Variants in MAP3K9 observed in about 807,000 individuals in gnomAD.
MAP3K9 encodes the protein mitogen-activated protein kinase kinase kinase 9.
In MAP3K9, 46 loss-of-function variants were observed where a neutral mutation model predicts 95.8. That is an observed-to-expected ratio of 0.48 (90% CI 0.38 to 0.61). The LOEUF (loss-of-function observed/expected upper bound fraction) is 0.61. Ranked by LOEUF, MAP3K9 falls within the 20% of genes least tolerant of loss-of-function variation. The pLI is 0.00. For synonymous variants in MAP3K9, 533 were observed against 593.8 expected (o/e 0.90, Z 1.49); for missense variants, 1,296 against 1,474.3 (o/e 0.88, Z 1.98).
In MAP3K9 at chr14:70,729,433, CAT is replaced by C. The variant is rs1184735171; in HGVS notation, c.*945_*946del. 1 of 152,200 alleles carries C rather than the reference CAT, an allele frequency of 6.6e-6. No individual in the cohort carries two copies. The highest frequency in any genetic ancestry group is 1.5e-5 in the Non-Finnish European group (1 of 68,066). 9.4% of individuals were successfully genotyped at this position (152,200 alleles called of 1,614,324 possible). A position where few individuals can be genotyped will look rare whatever the true frequency, so the allele number is the denominator to read the frequency against. On this transcript the variant is annotated 3_prime_UTR_variant, in exon 12 of 12. Transcript: ENST00000554752. Reference sequence around the variant, plus strand: ...TGAAGACCAAAGGAAGGGAGTAACACATAAAGTTCAGACAGCAAAAGGAACAG... The same window carrying C: ...TGAAGACCAAAGGAAGGGAGTAACACAAAGTTCAGACAGCAAAAGGAACAG...
chr14:70,784,634 T>C (rs910196002), intron 2 of MAP3K9, among the ~76,000 whole-genome samples: 1 of 151,984 alleles, frequency 6.6e-6, no homozygotes, highest in African/African-American at 2.4e-5. Flanking sequence ...TCCCAGCTAC[T>C]CAGGAGGCTG....
At chr14:70,763,204 T>C (rs1465353402) in intron 2 of MAP3K9, among the ~76,000 whole-genome samples, 2 of 152,240 alleles carry the variant, frequency 1.3e-5, no homozygotes, top group Admixed American at 6.5e-5. Context: ...GTGAAGTCCA[T>C]AAGAGTGCAT....
chr14:70,736,960 T>C (rs1226071677), intron 8 of MAP3K9, among the ~76,000 whole-genome samples: 3 of 152,188 alleles, frequency 2.0e-5, no homozygotes, highest in African/African-American at 4.8e-5. Context: ...AAATCATAGA[T>C]TTTGGACATG....
At chr14:70,790,882 T>C (rs892500266) in intron 2 of MAP3K9, among the ~76,000 whole-genome samples, 2 of 152,004 alleles carry the variant, frequency 1.3e-5, no homozygotes, top group African/African-American at 4.8e-5. Flanking sequence ...AGCTACATCA[T>C]CGAAACAAGG....
chr14:70,778,276 ATTT>A (rs71105734), intron 2 of MAP3K9, among the ~76,000 whole-genome samples: 9 of 122,826 alleles, frequency 7.3e-5, no homozygotes, highest in South Asian at 2.7e-4. Context: ...ACGCCCAGCT[ATTT>A]TTTTTTTTTT....
chr14:70,738,440 G>C, intron 7 of MAP3K9, 42 bp from the exon 8 acceptor site: 7 of 1,596,022 alleles, frequency 4.4e-6, no homozygotes, highest in Non-Finnish European at 6.0e-6. Flanking sequence ...AAAATGGACA[G>C]ACAGGGCTCC....
At chr14:70,730,981 C>A in intron 11 of MAP3K9, 117 bp from the exon 12 acceptor site, 2 of 1,188,302 alleles carry the variant, frequency 1.7e-6, no homozygotes, top group Non-Finnish European at 2.3e-6. Context: ...ACATGAATCA[C>A]CAAATGTTTG....
At chr14:70,735,173 G>A (rs2053967209) in intron 9 of MAP3K9, among the ~76,000 whole-genome samples, 1 of 152,122 alleles carries the variant, frequency 6.6e-6, no homozygotes, top group South Asian at 2.1e-4. Flanking sequence ...TCAAATCCCT[G>A]TCATCAGCCC....
At chr14:70,747,417 A>G (rs911040529) in intron 5 of MAP3K9, among the ~76,000 whole-genome samples, 3 of 152,212 alleles carry the variant, frequency 2.0e-5, no homozygotes, top group Admixed American at 1.3e-4. Context: ...CATGATTATA[A>G]GTTTCCTGAG....
At chr14:70,806,538 C>T (rs2054991918) in intron 1 of MAP3K9, among the ~76,000 whole-genome samples, 1 of 152,230 alleles carries the variant, frequency 6.6e-6, no homozygotes, top group African/African-American at 2.4e-5. Flanking sequence ...GAACAAGTTA[C>T]TTCCTACTTT....
At chr14:70,788,427 C>A (rs1222199304) in intron 2 of MAP3K9, among the ~76,000 whole-genome samples, 1 of 152,188 alleles carries the variant, frequency 6.6e-6, no homozygotes, top group African/African-American at 2.4e-5. Flanking sequence ...TCACTTCTAC[C>A]CCGTAAGATG....
chr14:70,766,945 T>C (rs1373343786), intron 2 of MAP3K9, among the ~76,000 whole-genome samples: 1 of 152,222 alleles, frequency 6.6e-6, no homozygotes, highest in African/African-American at 2.4e-5. Flanking sequence ...TAATCACTCC[T>C]GACTGCTGCA....
At chr14:70,782,960 C>G (rs2054700289) in intron 2 of MAP3K9, among the ~76,000 whole-genome samples, 1 of 152,224 alleles carries the variant, frequency 6.6e-6, no homozygotes, top group South Asian at 2.1e-4. Context: ...GTGGGCATAA[C>G]AGGCATACCC....
rs749003418 is a variant in MAP3K9 at position 70,730,510 on chromosome 14, G to A, written c.3185C>T (p.Pro1062Leu). ...CAGGTCCAGGAGCGTCCGCTCAGTCGGGGGCAGCGGCCCTGCCTGGAACGG... is the reference window on the plus strand; with the variant it reads ...CAGGTCCAGGAGCGTCCGCTCAGTCAGGGGCAGCGGCCCTGCCTGGAACGG... The part of the protein sequence containing the change: ...LLPFQAGPLP[P>L]TERTLLDLDA... The change falls in exon 12 of 12, where the codon CCG becomes CTG. Residue 1062 changes from proline (P) to leucine (L), a missense_variant. Physicochemically the swap from Pro to Leu is moderately conservative, Grantham distance 98. Transcript: ENST00000554752. 1.3e-5 allele frequency: 21 copies of A among 1,613,750 alleles called. No homozygotes were observed. The highest frequency in any genetic ancestry group is 8.3e-5 in the Admixed American group (5 of 60,010).
chr14:70,766,897 C>T (rs947324760), intron 2 of MAP3K9, among the ~76,000 whole-genome samples: 1 of 152,218 alleles, frequency 6.6e-6, no homozygotes, highest in Non-Finnish European at 1.5e-5. Flanking sequence ...CTTCCTTCAG[C>T]ATCCAAATAC....
At chr14:70,803,789 A>C (rs1033487445) in intron 1 of MAP3K9, among the ~76,000 whole-genome samples, 2 of 152,254 alleles carry the variant, frequency 1.3e-5, no homozygotes, top group Non-Finnish European at 2.9e-5. Context: ...GTCATGGCAG[A>C]ACATTGTAGA....
intron 2 of MAP3K9, among the ~76,000 whole-genome samples, chr14:70,774,584 A>G (rs1191670762): frequency 6.6e-6 from 1 of 151,870 alleles, no homozygotes; most frequent in African/African-American, 2.4e-5. Flanking sequence ...AATCGCTTGA[A>G]CCTGAGAGGC....
At position 70,722,592 on chromosome 14, in the gene MAP3K9, A is replaced by G. The variant is rs980767305; in HGVS notation, c.*7788T>C. 1.3e-5 allele frequency: 2 copies of G among 152,146 alleles called. No homozygotes were observed. Among genetic ancestry groups the G allele is most frequent in the African/African-American group, 4.8e-5 (2 of 41,440 alleles). 9.4% of individuals were successfully genotyped at this position (152,146 alleles called of 1,614,324 possible). A position where few individuals can be genotyped will look rare whatever the true frequency, so the allele number is the denominator to read the frequency against. On this transcript the variant is annotated 3_prime_UTR_variant, in exon 12 of 12. Transcript: ENST00000554752. ...GCATTGAGACCAGGCTGAGATCAGC[A>G]TTACACTGTAATACAATAAGAGGTT...
intron 6 of MAP3K9, among the ~76,000 whole-genome samples, 159 bp downstream of exon 6, chr14:70,742,192 G>A (rs1191052870): frequency 6.6e-6 from 1 of 152,124 alleles, no homozygotes; most frequent in Non-Finnish European, 1.5e-5. Context: ...TTTTCAACAT[G>A]CCAGTCTTTC....
Sources: allele counts gnomAD v4.1 joint callset (sites outside exome capture counted in the v4.1 genomes callset), GRCh38; gene constraint gnomAD v4.1.1; transcripts MANE v1.5; gene names NCBI Gene and HGNC (gene_info 2026-07-23, HGNC 2026-07-21).